BNIP2: variants seen among roughly 807,000 people sequenced by gnomAD.
BNIP2 encodes BCL2 interacting protein 2.
Under a neutral mutation model 43.4 loss-of-function variants are expected in BNIP2, and 36 were observed. That is an observed-to-expected ratio of 0.83 (90% CI 0.64 to 1.10). The LOEUF (loss-of-function observed/expected upper bound fraction) is 1.10. BNIP2 is among the 50% of genes least tolerant of loss of function. The pLI is 0.00. For missense variants in BNIP2, 417 were observed against 374.1 expected (o/e 1.11, Z -0.95); for synonymous variants, 146 against 121.0 (o/e 1.21, Z -1.35).
At chr15:59,664,416 C>A (rs962419550) in intron 9 of BNIP2, among the ~76,000 whole-genome samples, 3 of 151,972 alleles carry the variant, frequency 2.0e-5, no homozygotes, top group African/African-American at 2.4e-5. Context: ...GAGTCTTGCT[C>A]TGTCACCCAG....
chr15:59,688,788 A>G (rs1225443885), intron 1 of BNIP2: 4 of 1,535,082 alleles, frequency 2.6e-6, no homozygotes, highest in South Asian at 1.2e-5. Flanking sequence ...TAAATACTGA[A>G]CCATCGTAGC....
intron 5 of BNIP2, among the ~76,000 whole-genome samples, chr15:59,674,469 T>C (rs1893141867): frequency 6.6e-6 from 1 of 152,246 alleles, no homozygotes; most frequent in Non-Finnish European, 1.5e-5. Flanking sequence ...GTGAACTAGC[T>C]GAATAATGTA....
At chr15:59,684,238 G>C (rs1360681438) in intron 1 of BNIP2, among the ~76,000 whole-genome samples, 1 of 152,066 alleles carries the variant, frequency 6.6e-6, no homozygotes, top group African/African-American at 2.4e-5. Flanking sequence ...TGATACACTT[G>C]TTACCACAGA....
Position 59,662,966 on chromosome 15 carries a change from T to C in BNIP2, c.*1103A>G, listed in dbSNP as rs1359363891. On this transcript the variant is annotated 3_prime_UTR_variant, in exon 10 of 10. Coordinates refer to ENST00000607373, the MANE Select transcript of BNIP2 (RefSeq NM_004330.4). Reference sequence around the variant, plus strand: ...TATCCAAAACAGCACAATATGATGATGCTAAGACTTACAAAATTAACCTAA... The same window carrying C: ...TATCCAAAACAGCACAATATGATGACGCTAAGACTTACAAAATTAACCTAA... 6.6e-6 allele frequency: 1 copy of C among 152,546 alleles called. No individual in the cohort carries two copies. 9.4% of individuals were successfully genotyped at this position (152,546 alleles called of 1,614,324 possible).
intron 1 of BNIP2, among the ~76,000 whole-genome samples, chr15:59,684,692 T>C (rs1413409151): frequency 6.6e-5 from 10 of 152,238 alleles, no homozygotes; most frequent in African/African-American, 2.2e-4. Context: ...AAGCGAATGA[T>C]GTATTTTCCT....
Position 59,678,099 on chromosome 15 carries a change from C to A in BNIP2, c.296-12G>T, listed in dbSNP as rs2307272. ...TTTTGGAAGATCATCTGTCAAAATA[C>A]AAAGTTTTTGAATCACAAATTGTTA... On this transcript the variant is annotated splice_polypyrimidine_tract_variant and intron_variant, in intron 4 of 9. Coordinates refer to ENST00000607373, the MANE Select transcript of BNIP2 (RefSeq NM_004330.4). 0.35 allele frequency: 551,145 copies of A among 1,593,938 alleles called. 96,993 individuals carry two copies. Among genetic ancestry groups the A allele is most frequent in the East Asian group, 0.54 (23,919 of 44,632 alleles).
chr15:59,672,449 T>G (rs142902479), intron 6 of BNIP2, 188 bp downstream of exon 6: 100 of 461,718 alleles, frequency 2.2e-4, no homozygotes, highest in Non-Finnish European at 3.6e-4. Context: ...AATTTTTTGA[T>G]TTTGTAGAGA....
At chr15:59,677,467 G>T (rs1893378849) in intron 5 of BNIP2, 26 of 1,417,044 alleles carry the variant, frequency 1.8e-5, no homozygotes, top group Middle Eastern at 2.6e-4. Flanking sequence ...CATAGAGCAG[G>T]TGACTGGAAA....
chr15:59,668,856 G>C, intron 9 of BNIP2, 36 bp downstream of exon 9: 1 of 1,523,132 alleles, frequency 6.6e-7, no homozygotes, highest in Non-Finnish European at 9.1e-7. Context: ...AAAATGTTAA[G>C]ATCCAATACA....
rs1387977743 is a variant in BNIP2, at chr15:59,662,292, C to T, written c.*1777G>A. On this transcript the variant is annotated 3_prime_UTR_variant, in exon 10 of 10. Transcript: ENST00000607373. The stretch of plus-strand genomic sequence containing the variant: ...TCAATATAATTGTTTATACATAATC[C>T]TTATATGGTAAATTCAGAAGGAATG... 1 of 152,122 alleles carries T rather than the reference C, an allele frequency of 6.6e-6. No homozygotes were observed. The highest frequency in any genetic ancestry group is 2.4e-5 in the African/African-American group (1 of 41,430). The allele number at this position is 152,122 out of a possible 1,614,324, so 9.4% of individuals were successfully genotyped here. A position where few individuals can be genotyped will look rare whatever the true frequency, so the allele number is the denominator to read the frequency against.
intron 9 of BNIP2, among the ~76,000 whole-genome samples, chr15:59,664,462 A>G (rs1192088084): frequency 6.6e-6 from 1 of 152,028 alleles, no homozygotes; most frequent in Admixed American, 6.6e-5. Context: ...GCTCGCTGCA[A>G]TCTCCGCCTC....
At chr15:59,668,223 T>C (rs984603498) in intron 9 of BNIP2, 19 of 881,632 alleles carry the variant, frequency 2.2e-5, no homozygotes, top group Non-Finnish European at 2.7e-5. Flanking sequence ...AATAAACTCA[T>C]TTAAATTTTC....
At chr15:59,677,183 T>C (rs1893358595) in intron 5 of BNIP2, 2 of 1,595,862 alleles carry the variant, frequency 1.3e-6, no homozygotes, top group Middle Eastern at 3.7e-4. Flanking sequence ...TATTGAAGGA[T>C]CCAGTGGAAC....
At position 59,663,776 on chromosome 15, in the gene BNIP2, T is replaced by C. The variant is rs1892400703; in HGVS notation, c.*293A>G. 4.2e-6 allele frequency: 1 copy of C among 236,846 alleles called. No homozygotes were observed. Among genetic ancestry groups the C allele is most frequent in the Admixed American group, 5.6e-5 (1 of 17,922 alleles). 14.7% of individuals were successfully genotyped at this position (236,846 alleles called of 1,614,324 possible). On this transcript the variant is annotated 3_prime_UTR_variant, in exon 10 of 10. Coordinates refer to ENST00000607373, the MANE Select transcript of BNIP2 (RefSeq NM_004330.4). The stretch of plus-strand genomic sequence containing the variant: ...ATATTTCACCGAAGAAGATGCATCA[T>C]TCAATAAACAAATGCAAAAACTACT...
Position 59,659,655 on chromosome 15 carries a change from T to C in BNIP2, c.*4414A>G, listed in dbSNP as rs1264082791. The C allele has an allele frequency of 6.6e-6, 1 of 152,232 alleles. No individual in the cohort carries two copies. Among genetic ancestry groups the C allele is most frequent in the Non-Finnish European group, 1.5e-5 (1 of 68,036 alleles). The allele number at this position is 152,232 out of a possible 1,614,324, so 9.4% of individuals were successfully genotyped here. A position where few individuals can be genotyped will look rare whatever the true frequency, so the allele number is the denominator to read the frequency against. ...GCAGTGTAGAAGCTGATGAATGTTA[T>C]TTTCCAAGTTCCTCCTTAGCCAAAC... On this transcript the variant is annotated 3_prime_UTR_variant, in exon 10 of 10. Transcript: ENST00000607373.
intron 9 of BNIP2, 70 bp downstream of exon 9, chr15:59,668,822 G>C (rs1238702288): frequency 3.9e-6 from 5 of 1,287,514 alleles, no homozygotes; most frequent in Non-Finnish European, 3.3e-6. Flanking sequence ...AATGAGTATT[G>C]AAAAGTATTA....
rs1467519156 is a variant in BNIP2, at chr15:59,677,940, T to G, written c.443A>C (p.Glu148Ala). The G allele has an allele frequency of 1.2e-6, 2 of 1,612,756 alleles. No homozygotes were observed. Among genetic ancestry groups the G allele is most frequent in the Non-Finnish European group, 1.7e-6 (2 of 1,179,540 alleles). Reference protein sequence around the residue: ...QDHRVDMKAIEPYKKVISHGG... With the variant: ...QDHRVDMKAIAPYKKVISHGG... ...ATGGCTGATAACTTTTTTATAGGGT[T>G]CAATTGCCTTCATATCAACCCTGTG... Residue 148 changes from glutamate to alanine, a missense_variant, in exon 5 of 10, where the codon GAA becomes GCA. Glu to Ala is a moderately radical substitution (Grantham distance 107, BLOSUM62 -1). Coordinates refer to ENST00000607373, the MANE Select transcript of BNIP2 (RefSeq NM_004330.4).
rs1566957362 is a variant in BNIP2 at position 59,668,901 on chromosome 15, C to T, written c.884G>A (p.Cys295Tyr). Reference protein sequence around the residue: ...VPMEYVGIPECIKQVDQELNG... With the variant: ...VPMEYVGIPEYIKQVDQELNG... ...ATAAAACAAAACATACTGTTTTATGCATTCTGGTATGCCAACGTATTCCAT... is the reference window on the plus strand; with the variant it reads ...ATAAAACAAAACATACTGTTTTATGTATTCTGGTATGCCAACGTATTCCAT... Residue 295 changes from cysteine to tyrosine, a missense_variant, in exon 9 of 10, where the codon TGC becomes TAC. Physicochemically the swap from Cys to Tyr is radical, Grantham distance 194 (BLOSUM62 -2). Transcript: ENST00000607373. 6.2e-7 allele frequency: 1 copy of T among 1,612,360 alleles called. No homozygotes were observed. The highest frequency in any genetic ancestry group is 1.3e-5 in the African/African-American group (1 of 75,002).
At chr15:59,683,410 A>G (rs1408683167) in intron 1 of BNIP2, among the ~76,000 whole-genome samples, 1 of 152,256 alleles carries the variant, frequency 6.6e-6, no homozygotes, top group Non-Finnish European at 1.5e-5. Flanking sequence ...ATAGATGTCT[A>G]AAGTTATTCA....
Sources: allele counts gnomAD v4.1 joint callset (sites outside exome capture counted in the v4.1 genomes callset), GRCh38; gene constraint gnomAD v4.1.1; transcripts MANE v1.5; gene names NCBI Gene and HGNC (gene_info 2026-07-23, HGNC 2026-07-21).